Variants in TMEM114 observed in about 807,000 individuals in gnomAD.
TMEM114 encodes transmembrane protein 114.
A neutral mutation model predicts 6.2 loss-of-function variants in TMEM114; 6 were observed. The observed-to-expected ratio is 0.97, with a 90% CI of 0.53 to 1.91. TMEM114 has a LOEUF of 1.91. TMEM114 is among the 40% of genes most tolerant of loss of function. TMEM114 has a pLI of 0.01. For missense variants in TMEM114, 218 were observed against 158.3 expected (o/e 1.38, Z -2.02); for synonymous variants, 104 against 73.0 (o/e 1.42, Z -2.16).
At chr16:8,584,970 A>G (rs796951991) in intron 2 of TMEM114, among the ~76,000 whole-genome samples, 77 of 151,950 alleles carry the variant, frequency 5.1e-4, no homozygotes, top group African/African-American at 1.8e-3. Flanking sequence ...GAAAAGAAAA[A>G]GAAAAAGACA....
chr16:8,528,225 G>T, the TMEM114 span, among the ~76,000 whole-genome samples: 1 of 146,406 alleles, frequency 6.8e-6, no homozygotes, highest in East Asian at 2.0e-4. Context: ...TTTCTGATAT[G>T]AATTTGTTCA....
At chr16:8,580,205 C>T (rs1485745071) in intron 2 of TMEM114, among the ~76,000 whole-genome samples, 2 of 152,022 alleles carry the variant, frequency 1.3e-5, no homozygotes, top group Non-Finnish European at 2.9e-5. Flanking sequence ...AAAATTAAAA[C>T]AAGGCCCGGC....
At chr16:8,570,113 C>T (rs2141682425) in intron 3 of TMEM114, 108 bp from the exon 4 acceptor site, 1 of 1,398,114 alleles carries the variant, frequency 7.2e-7, no homozygotes. Context: ...AGCGTCCTCG[C>T]TCCTTCCTGC....
At chr16:8,570,690 G>A (rs570955897) in intron 3 of TMEM114, among the ~76,000 whole-genome samples, 5 of 152,110 alleles carry the variant, frequency 3.3e-5, no homozygotes, top group African/African-American at 1.2e-4. Flanking sequence ...TGCTCCTGTT[G>A]GTTTTGCTCA....
At chr16:8,572,342 CT>C (rs1901762974) in intron 2 of TMEM114, 118 bp from the exon 3 acceptor site, 22 of 1,081,152 alleles carry the variant, frequency 2.0e-5, no homozygotes, top group Non-Finnish European at 2.6e-5. Flanking sequence ...GTCACTGCCC[CT>C]ACGACGATTA....
At position 8,561,872 on chromosome 16, in the gene TMEM114, G is replaced by T. The variant is rs1405438981; in HGVS notation, n.213-24046C>A. 3.3e-5 allele frequency among the ~76,000 whole-genome samples: 4 copies of T among 121,974 alleles called. No individual in the cohort carries two copies. The East Asian group carries it at 6.6e-4, about 20-fold the overall frequency. The allele number at this position is 121,974 out of a possible 152,430, so 80.0% of individuals were successfully genotyped here. A position where few individuals can be genotyped will look rare whatever the true frequency, so the allele number is the denominator to read the frequency against. On this transcript the variant is annotated intron_variant and non_coding_transcript_variant, in intron 2 of 2. Transcript: ENST00000623677. ...AATGAATGAGTGAGTGAGGGAATGA[G>T]TGAGTGAATGAGTGAGTGAATGAGT... is the stretch of plus-strand genomic sequence containing the variant.
At chr16:8,554,880 T>C (rs1264663486) in intron 2 of TMEM114, among the ~76,000 whole-genome samples, 1 of 152,198 alleles carries the variant, frequency 6.6e-6, no homozygotes, top group Non-Finnish European at 1.5e-5. Flanking sequence ...CTTAAGCAGT[T>C]TGTCCTTCGT....
chr16:8,564,692 A>G (rs540878620), downstream of TMEM114, among the ~76,000 whole-genome samples: 269 of 148,494 alleles, frequency 1.8e-3, 10 homozygotes, highest in African/African-American at 6.7e-3. Flanking sequence ...TGAGTGAGTG[A>G]ATGAGTGAGT....
the TMEM114 span, among the ~76,000 whole-genome samples, chr16:8,530,244 T>A: frequency 6.6e-6 from 1 of 152,190 alleles, no homozygotes; most frequent in African/African-American, 2.4e-5. Context: ...CAGCAAAGTA[T>A]CTGAGATGAG....
intron 2 of TMEM114, among the ~76,000 whole-genome samples, chr16:8,546,209 C>T (rs918674168): frequency 2.0e-5 from 3 of 152,182 alleles, no homozygotes; most frequent in African/African-American, 7.2e-5. Flanking sequence ...CTTTTACATG[C>T]ACCACGATGT....
intron 2 of TMEM114, among the ~76,000 whole-genome samples, chr16:8,539,031 T>C (rs1400058007): frequency 6.6e-6 from 1 of 152,246 alleles, no homozygotes; most frequent in Non-Finnish European, 1.5e-5. Flanking sequence ...ACTTCATGTT[T>C]GAATGAATAA....
chr16:8,537,615 C>G (rs528299845), exon 3 of TMEM114: 46 of 152,272 alleles, frequency 3.0e-4, no homozygotes, highest in African/African-American at 1.1e-3. Flanking sequence ...ATTCATATAG[C>G]TATTCACATA....
At chr16:8,574,672 C>G (rs1901858515) in intron 2 of TMEM114, among the ~76,000 whole-genome samples, 1 of 151,624 alleles carries the variant, frequency 6.6e-6, no homozygotes, top group South Asian at 2.1e-4. Context: ...CCTTTAAAAT[C>G]CATCCCCCCA....
At chr16:8,570,608 A>G (rs1330074636) in intron 3 of TMEM114, among the ~76,000 whole-genome samples, 1 of 152,200 alleles carries the variant, frequency 6.6e-6, no homozygotes, top group Admixed American at 6.5e-5. Flanking sequence ...CTGGGATTGC[A>G]GGCATGTTTG....
At chr16:8,582,180 G>A (rs950678080) in intron 2 of TMEM114, among the ~76,000 whole-genome samples, 27 of 152,130 alleles carry the variant, frequency 1.8e-4, no homozygotes, top group African/African-American at 5.6e-4. Context: ...AGCTTCCACC[G>A]CGGGCATGCT....
intron 2 of TMEM114, among the ~76,000 whole-genome samples, chr16:8,573,811 C>T (rs959377006): frequency 3.3e-5 from 5 of 152,166 alleles, no homozygotes; most frequent in African/African-American, 1.2e-4. Flanking sequence ...CCCATAGGGA[C>T]AGGCATTTAT....
intron 2 of TMEM114, among the ~76,000 whole-genome samples, chr16:8,559,062 G>C (rs1901112575): frequency 6.8e-6 from 1 of 147,938 alleles, no homozygotes; most frequent in Admixed American, 6.7e-5. Context: ...TTTTCTTTTT[G>C]AGATGGAGTT....
At chr16:8,587,007 C>A (rs1470618122) in intron 2 of TMEM114, among the ~76,000 whole-genome samples, 1 of 152,084 alleles carries the variant, frequency 6.6e-6, no homozygotes, top group Non-Finnish European at 1.5e-5. Flanking sequence ...TCACAAGAGC[C>A]AGTTAAGCTT....
chr16:8,555,539 T>G (rs1208302296), intron 2 of TMEM114, among the ~76,000 whole-genome samples: 2 of 152,194 alleles, frequency 1.3e-5, no homozygotes, highest in Non-Finnish European at 2.9e-5. Context: ...ATGGCAATGG[T>G]AAACTGTCAT....
Sources: gnomAD v4.1 joint callset for allele counts (sites outside exome capture counted in the v4.1 genomes callset) on GRCh38, gnomAD v4.1.1 for gene constraint, MANE v1.5 for transcripts, NCBI Gene and HGNC (gene_info 2026-07-23, HGNC 2026-07-21) for gene names.